The following TRPC4AP variants were observed in gnomAD, a reference collection of about 807,000 sequenced individuals.
The protein encoded by TRPC4AP is transient receptor potential cation channel subfamily C member 4 associated protein, also known as short transient receptor potential channel 4-associated protein.
In TRPC4AP, 45 loss-of-function variants were observed where a neutral mutation model predicts 99.0. That is an observed-to-expected ratio of 0.45 (90% CI 0.36 to 0.58). TRPC4AP has a LOEUF of 0.58. Among genes scored for constraint, TRPC4AP ranks in the 20% least tolerant of loss-of-function variants. The pLI is 0.00. For missense variants in TRPC4AP, 879 were observed against 985.3 expected (o/e 0.89, Z 1.44); for synonymous variants, 408 against 385.8 (o/e 1.06, Z -0.67).
At chr20:35,022,615 G>A (rs1004385739) in intron 8 of TRPC4AP, among the ~76,000 whole-genome samples, 1 of 152,064 alleles carries the variant, frequency 6.6e-6, no homozygotes, top group African/African-American at 2.4e-5. Context: ...CTTCCCTAGA[G>A]GCCTTTTGCA....
At chr20:35,008,526 T>A (rs991918216) in intron 13 of TRPC4AP, 138 bp downstream of exon 13, 2 of 732,716 alleles carry the variant, frequency 2.7e-6, no homozygotes, top group Non-Finnish European at 4.6e-6. Context: ...AAGATGGCAG[T>A]CAAACCACCT....
At chr20:35,010,059 C>T in intron 12 of TRPC4AP, 128 bp downstream of exon 12, 1 of 687,946 alleles carries the variant, frequency 1.5e-6, no homozygotes, top group Non-Finnish European at 2.5e-6. Context: ...CACACAGGAG[C>T]CCTCAGGACA....
chr20:35,024,440 T>G (rs2082969442), intron 8 of TRPC4AP, among the ~76,000 whole-genome samples: 1 of 152,180 alleles, frequency 6.6e-6, no homozygotes, highest in Non-Finnish European at 1.5e-5. Context: ...ACTGCTTCTT[T>G]CACCTAGTAC....
chr20:35,021,841 T>C (rs762994917), intron 8 of TRPC4AP, among the ~76,000 whole-genome samples: 7 of 152,248 alleles, frequency 4.6e-5, no homozygotes, highest in Non-Finnish European at 8.8e-5. Flanking sequence ...AAGAACCATC[T>C]AAATTTTTCT....
At chr20:35,048,044 C>T (rs1031334356) in intron 6 of TRPC4AP, among the ~76,000 whole-genome samples, 4 of 152,130 alleles carry the variant, frequency 2.6e-5, no homozygotes, top group Non-Finnish European at 5.9e-5. Context: ...CCCACTCTCT[C>T]CCTCACTATG....
chr20:35,003,415 C>T lies in TRPC4AP; in HGVS notation c.2251G>A (p.Glu751Lys). The change falls in exon 18 of 19, where the codon GAG (glutamate) becomes AAG (lysine). Residue 751 changes from glutamate to lysine, a missense_variant. Glu to Lys is a moderately conservative substitution (Grantham distance 56). This residue lies in a region of TRPC4AP where 224 missense variants were observed against 264.7 expected (regional missense o/e 0.85). Transcript: ENST00000252015. Reference protein sequence around the residue: ...LHKDKDSTCLENSSCISFSYW... With the variant: ...LHKDKDSTCLKNSSCISFSYW... ...CTTGAGGGTGGGGCACTCACGTTCT[C>T]TAGGCAGGTGCTGTCCTTGTCCTTG... 1 of 1,614,078 alleles carries T rather than the reference C, an allele frequency of 6.2e-7. No homozygotes were observed. The highest frequency in any genetic ancestry group is 8.5e-7 in the Non-Finnish European group (1 of 1,180,016).
intron 5 of TRPC4AP, among the ~76,000 whole-genome samples, 160 bp from the exon 6 acceptor site, chr20:35,050,154 A>C (rs976175569): frequency 6.6e-6 from 1 of 152,234 alleles, no homozygotes; most frequent in African/African-American, 2.4e-5. Flanking sequence ...AACGCTCGTT[A>C]ACTCCCCAGC....
chr20:35,070,771 C>T (rs2084289471), intron 2 of TRPC4AP, among the ~76,000 whole-genome samples: 1 of 152,244 alleles, frequency 6.6e-6, no homozygotes, highest in Admixed American at 6.5e-5. Context: ...TTGTATTCCC[C>T]ACAGATTCCA....
intron 1 of TRPC4AP, among the ~76,000 whole-genome samples, chr20:35,084,536 A>ATATGTTTATATGCATATATG (rs1569154818): frequency 2.1e-4 from 31 of 147,510 alleles, no homozygotes; most frequent in African/African-American, 7.2e-4. Flanking sequence ...ATATGTATAT[A>ATATGTTTATATGCATATATG]TGTATATGTA....
chr20:35,029,689 G>A (rs2083125510), intron 8 of TRPC4AP, among the ~76,000 whole-genome samples: 1 of 121,912 alleles, frequency 8.2e-6, no homozygotes, highest in African/African-American at 3.1e-5. Context: ...AGGCTGGAGT[G>A]CAGTGGCGCG....
intron 8 of TRPC4AP, among the ~76,000 whole-genome samples, chr20:35,031,847 G>A (rs1426683182): frequency 6.6e-6 from 1 of 151,846 alleles, no homozygotes; most frequent in Non-Finnish European, 1.5e-5. Flanking sequence ...CATATCTACT[G>A]CTGAGTCTTT....
intron 10 of TRPC4AP, among the ~76,000 whole-genome samples, 169 bp downstream of exon 10, chr20:35,015,839 T>C (rs1211331598): frequency 6.6e-6 from 1 of 151,808 alleles, no homozygotes; most frequent in Non-Finnish European, 1.5e-5. Context: ...GGGAGTGGAG[T>C]TCACTCAGAT....
intron 8 of TRPC4AP, chr20:35,030,435 TAACTTAG>T (rs1040279915): frequency 2.2e-4 from 33 of 152,214 alleles, no homozygotes; most frequent in African/African-American, 7.7e-4. Flanking sequence ...GGATTTATTC[TAACTTAG>T]AGCTCCATTC....
chr20:35,033,688 CT>C (rs2083253712), intron 8 of TRPC4AP, among the ~76,000 whole-genome samples: 1 of 152,030 alleles, frequency 6.6e-6, no homozygotes, highest in African/African-American at 2.4e-5. Context: ...TCACCCTGTT[CT>C]TAATTAAGAA....
chr20:35,049,040 A>G (rs1361621951), intron 6 of TRPC4AP, among the ~76,000 whole-genome samples: 1 of 152,130 alleles, frequency 6.6e-6, no homozygotes, highest in Admixed American at 6.5e-5. Context: ...AGCAACCTCT[A>G]GGAGGCTGCT....
chr20:35,055,516 T>C (rs1279044684), intron 4 of TRPC4AP, among the ~76,000 whole-genome samples: 14 of 152,186 alleles, frequency 9.2e-5, no homozygotes, highest in Non-Finnish European at 1.5e-5. Flanking sequence ...CATCTTTTTT[T>C]TGTTCATTTG....
chr20:35,091,218 G>A (rs1259965760), intron 1 of TRPC4AP, among the ~76,000 whole-genome samples: 2 of 151,946 alleles, frequency 1.3e-5, no homozygotes, highest in Non-Finnish European at 2.9e-5. Flanking sequence ...TCGAATTCCT[G>A]GATTCAAGCG....
intron 6 of TRPC4AP, among the ~76,000 whole-genome samples, chr20:35,046,237 TGCTA>T (rs2083559984): frequency 6.6e-6 from 1 of 152,230 alleles, no homozygotes; most frequent in Admixed American, 6.5e-5. Flanking sequence ...TTCCTTCTAT[TGCTA>T]GCTTTTATTA....
intron 1 of TRPC4AP, among the ~76,000 whole-genome samples, chr20:35,090,331 T>A (rs6060217): frequency 6.8e-6 from 1 of 147,446 alleles, no homozygotes; most frequent in African/African-American, 2.5e-5. Flanking sequence ...TAACCTGCCT[T>A]GCTTTTGTGG....
Sources: allele counts gnomAD v4.1 joint callset (sites outside exome capture counted in the v4.1 genomes callset), GRCh38; gene constraint gnomAD v4.1.1; regional missense constraint gnomAD v4.1.1; transcripts MANE v1.5; gene names NCBI Gene and HGNC (gene_info 2026-07-23, HGNC 2026-07-21).